The following WWOX variants were observed in gnomAD, a reference collection of about 807,000 sequenced individuals.
WWOX encodes the protein WW domain-containing oxidoreductase.
Under a neutral mutation model 46.2 loss-of-function variants are expected in WWOX, and 69 were observed. The ratio of observed to expected loss-of-function variants is 1.49; its 90% confidence interval spans 1.23 to 1.82. The LOEUF is 1.82. Among genes scored for constraint, WWOX ranks in the 40% most tolerant of loss-of-function variants. The pLI, the probability that WWOX is intolerant of heterozygous loss-of-function variation, is 0.00. For missense variants in WWOX, 919 were observed against 542.6 expected, an observed-to-expected ratio of 1.69 and a Z score of -6.89; for synonymous variants, 359 against 202.6, an observed-to-expected ratio of 1.77 and a Z score of -6.56.
chr16:78,670,429 G>A (rs1418164212), intron 8 of WWOX, among the ~76,000 whole-genome samples: 3 of 152,230 alleles, frequency 2.0e-5, no homozygotes, highest in East Asian at 3.9e-4. Context: ...GGTGTGTTAC[G>A]TTATGAGAAC....
At chr16:78,605,987 A>C (rs989768887) in intron 8 of WWOX, among the ~76,000 whole-genome samples, 1 of 152,232 alleles carries the variant, frequency 6.6e-6, no homozygotes, top group Non-Finnish European at 1.5e-5. Context: ...TGGCTGGAGT[A>C]GTACTGCAGC....
chr16:79,208,355 C>T (rs989308896), intron 8 of WWOX, among the ~76,000 whole-genome samples: 9 of 149,296 alleles, frequency 6.0e-5, no homozygotes, highest in East Asian at 3.9e-4. Context: ...ATACAACCTA[C>T]AGGCTTCTGA....
At chr16:78,394,912 G>T (rs987068401) in intron 6 of WWOX, among the ~76,000 whole-genome samples, 3 of 152,182 alleles carry the variant, frequency 2.0e-5, no homozygotes, top group Admixed American at 1.3e-4. Flanking sequence ...TGGCTGTGTG[G>T]CTTTGGGCAA....
intron 8 of WWOX, among the ~76,000 whole-genome samples, chr16:78,548,994 T>C (rs190027641): frequency 3.9e-5 from 6 of 152,320 alleles, no homozygotes; most frequent in Admixed American, 2.6e-4. Flanking sequence ...GTTGGTGTAA[T>C]ATAATTCATG....
chr16:78,446,657 C>CT (rs5818138), intron 8 of WWOX, among the ~76,000 whole-genome samples: 8,965 of 87,756 alleles, frequency 0.1, 1,130 homozygotes, highest in African/African-American at 0.23. Flanking sequence ...CAAGTGTATA[C>CT]TTTTTTTTTT....
intron 8 of WWOX, among the ~76,000 whole-genome samples, chr16:78,824,984 C>T (rs1567585935): frequency 6.6e-6 from 1 of 152,144 alleles, no homozygotes; most frequent in Non-Finnish European, 1.5e-5. Context: ...TAGAAAATGG[C>T]AGCGTTATAG....
intron 8 of WWOX, among the ~76,000 whole-genome samples, chr16:78,746,994 T>G (rs2049362953): frequency 6.6e-6 from 1 of 152,140 alleles, no homozygotes; most frequent in East Asian, 1.9e-4. Flanking sequence ...CTACATGTCC[T>G]GAAGACCTGA....
At chr16:78,835,168 G>C (rs2051944781) in intron 8 of WWOX, among the ~76,000 whole-genome samples, 1 of 152,086 alleles carries the variant, frequency 6.6e-6, no homozygotes, top group African/African-American at 2.4e-5. Context: ...CCTTGCTTTT[G>C]TCATTATCCA....
At chr16:78,906,447 C>T (rs547700295) in intron 8 of WWOX, among the ~76,000 whole-genome samples, 135 of 152,290 alleles carry the variant, frequency 8.9e-4, no homozygotes, top group Admixed American at 1.5e-3. Flanking sequence ...ATTCTCTTCC[C>T]AGGAGCCCTG....
chr16:78,368,340 G>A (rs1014700947), intron 5 of WWOX, among the ~76,000 whole-genome samples: 2 of 152,132 alleles, frequency 1.3e-5, no homozygotes, highest in Non-Finnish European at 2.9e-5. Flanking sequence ...ATGGCCCTTA[G>A]CCACAATTTC....
At chr16:78,224,937 T>C (rs1363315275) in intron 5 of WWOX, among the ~76,000 whole-genome samples, 1 of 152,252 alleles carries the variant, frequency 6.6e-6, no homozygotes, top group Non-Finnish European at 1.5e-5. Context: ...GATTTCTATC[T>C]TGGTGTCTTT....
intron 8 of WWOX, among the ~76,000 whole-genome samples, chr16:78,808,758 G>A (rs546275853): frequency 3.3e-5 from 5 of 152,186 alleles, no homozygotes; most frequent in Non-Finnish European, 5.9e-5. Context: ...ATTGAGATGC[G>A]TAGGTTCTAA....
intron 8 of WWOX, among the ~76,000 whole-genome samples, chr16:78,989,523 C>T (rs1052760208): frequency 4.6e-5 from 7 of 152,098 alleles, no homozygotes; most frequent in Admixed American, 2.6e-4. Flanking sequence ...GTAGTGGGGC[C>T]AGCAGTGGAC....
At chr16:78,215,186 C>T (rs1444077596) in intron 5 of WWOX, among the ~76,000 whole-genome samples, 1 of 152,172 alleles carries the variant, frequency 6.6e-6, no homozygotes. Flanking sequence ...TTTTCTTCCC[C>T]ATATCAAGCA....
At chr16:78,125,819 C>T (rs2033337123) in intron 4 of WWOX, among the ~76,000 whole-genome samples, 1 of 152,082 alleles carries the variant, frequency 6.6e-6, no homozygotes, top group Non-Finnish European at 1.5e-5. Context: ...CATCAAGCGC[C>T]TGTATATGCC....
chr16:78,568,523 T>C (rs1034176789), intron 8 of WWOX, among the ~76,000 whole-genome samples: 1 of 149,972 alleles, frequency 6.7e-6, no homozygotes, highest in Non-Finnish European at 1.5e-5. Flanking sequence ...TCACCCAGGC[T>C]GGAGTGCAGT....
intron 3 of WWOX, 145 bp from the exon 4 acceptor site, chr16:78,114,831 A>G: frequency 1.0e-6 from 1 of 996,736 alleles, no homozygotes. Flanking sequence ...CAGAAGATAG[A>G]TTCAGTGGGC....
intron 8 of WWOX, among the ~76,000 whole-genome samples, chr16:78,616,543 G>T (rs980991800): frequency 1.3e-5 from 2 of 151,774 alleles, no homozygotes; most frequent in African/African-American, 4.8e-5. Flanking sequence ...AGGTGTCTCG[G>T]TGGATCACTT....
chr16:78,888,761 T>C (rs1439548729), intron 8 of WWOX, among the ~76,000 whole-genome samples: 1 of 152,204 alleles, frequency 6.6e-6, no homozygotes, highest in Non-Finnish European at 1.5e-5. Context: ...AGCCCAGGGT[T>C]AGTTCTATGA....
Sources: gnomAD v4.1 joint callset for allele counts (sites outside exome capture counted in the v4.1 genomes callset) on GRCh38, gnomAD v4.1.1 for gene constraint, MANE v1.5 for transcripts, NCBI Gene and HGNC (gene_info 2026-07-23, HGNC 2026-07-21) for gene names.